Variants in MYT1 observed in about 807,000 individuals in gnomAD.
MYT1 encodes myelin transcription factor I.
Under a neutral mutation model 123.0 loss-of-function variants are expected in MYT1, and 23 were observed. That is an observed-to-expected ratio of 0.19 (90% CI 0.13 to 0.26). MYT1 has a LOEUF of 0.26. Ranked by LOEUF, MYT1 falls within the 10% of genes least tolerant of loss-of-function variation. The pLI is 1.00. For synonymous variants in MYT1, 518 were observed against 575.3 expected (o/e 0.90, Z 1.43); for missense variants, 1,125 against 1,472.5 (o/e 0.76, Z 3.86).
chr20:64,240,513 C>A lies in MYT1; in HGVS notation c.*65C>A, dbSNP rs1319458442. On this transcript the variant is annotated 3_prime_UTR_variant, in exon 23 of 23. Transcript: ENST00000328439. ...TTTACCTCCCTCGCCCTGCCCCGCA[C>A]CGTGGGGATGCCCAACTCACAGTGA... The A allele has an allele frequency of 2.0e-6, 3 of 1,527,792 alleles. No individual in the cohort carries two copies. The highest frequency in any genetic ancestry group is 4.2e-5 in the Admixed American group (2 of 48,054). 94.6% of individuals were successfully genotyped at this position (1,527,792 alleles called of 1,614,324 possible). A position where few individuals can be genotyped will look rare whatever the true frequency, so the allele number is the denominator to read the frequency against.
At chr20:64,187,058 C>T (rs1304123728) in intron 1 of MYT1, among the ~76,000 whole-genome samples, 3 of 147,458 alleles carry the variant, frequency 2.0e-5, no homozygotes, top group South Asian at 2.1e-4. Context: ...TCCACGTTTC[C>T]GTGGAGACTT....
intron 1 of MYT1, among the ~76,000 whole-genome samples, chr20:64,183,540 C>A (rs3003134): frequency 0.041 from 6,273 of 152,252 alleles, 163 homozygotes; most frequent in South Asian, 0.1. Context: ...TTATCTTTAA[C>A]ATTACAGCCA....
At chr20:64,178,248 G>A (rs1263027294) in intron 1 of MYT1, among the ~76,000 whole-genome samples, 2 of 152,236 alleles carry the variant, frequency 1.3e-5, no homozygotes, top group African/African-American at 2.4e-5. Flanking sequence ...GTTTGAGAGC[G>A]TGTTGCTGAT....
Position 64,205,680 on chromosome 20 carries a change from G to A in MYT1, c.277G>A (p.Gly93Ser), listed in dbSNP as rs374494252. The A allele has an allele frequency of 8.2e-5, 133 of 1,614,116 alleles. No homozygotes were observed. Among genetic ancestry groups the A allele is most frequent in the Non-Finnish European group, 1.1e-4 (127 of 1,180,040 alleles). The change falls in exon 6 of 23, where the codon GGC becomes AGC. Residue 93 changes from glycine (G) to serine (S), a missense_variant. Physicochemically the swap from Gly to Ser is moderately conservative, Grantham distance 56. Transcript: ENST00000328439. The stretch of plus-strand genomic sequence containing the variant: ...CGAGGGCTATGGTGTGGACAGCGAC[G>A]GCAGTGAGGACACTGAGGTGAAGGA... ...LDEGYGVDSD[G>S]SEDTEVKDAS...
At chr20:64,198,208 A>C (rs2060511086) in intron 2 of MYT1, among the ~76,000 whole-genome samples, 1 of 140,892 alleles carries the variant, frequency 7.1e-6, no homozygotes, top group African/African-American at 2.6e-5. Context: ...AATGGCGTGA[A>C]CCCGGGAGGC....
At chr20:64,197,724 G>A (rs1983164966) in intron 2 of MYT1, among the ~76,000 whole-genome samples, 1 of 152,236 alleles carries the variant, frequency 6.6e-6, no homozygotes, top group Admixed American at 6.5e-5. Flanking sequence ...ACAGGACAAG[G>A]ATGCTGTGTG....
chr20:64,228,291 G>T (rs1425959294), intron 18 of MYT1, among the ~76,000 whole-genome samples: 1 of 152,228 alleles, frequency 6.6e-6, no homozygotes, highest in Non-Finnish European at 1.5e-5. Context: ...ACCTGGGAGT[G>T]GGCCCCAGGG....
At position 64,196,952 on chromosome 20, in the gene MYT1, T is replaced by C. The variant is rs1983142305; in HGVS notation, c.1-1910T>C. ...GAGTGCAGGCACCGCACAAGTCCCA[T>C]TGTACGTCCTGCATCGGAAGGCATT... On this transcript the variant is annotated intron_variant, in intron 2 of 22. Transcript: ENST00000328439. This position sits in a 1 kb window ranked among gnomAD's most constrained non-coding sequence, Gnocchi z 4.3. Among the ~76,000 whole-genome samples, 1 of 152,230 alleles carries C rather than the reference T, an allele frequency of 6.6e-6. No individual in the cohort carries two copies. Among genetic ancestry groups the C allele is most frequent in the African/African-American group, 2.4e-5 (1 of 41,468 alleles).
At chr20:64,204,898 A>C in intron 4 of MYT1, 137 bp from the exon 5 acceptor site, 1 of 769,118 alleles carries the variant, frequency 1.3e-6, no homozygotes, top group Non-Finnish European at 2.2e-6. Flanking sequence ...CGAGTTATTA[A>C]TTTTCAGCAA....
rs1983361965 is a variant in MYT1, at chr20:64,202,722, C to T, written c.87-2313C>T. ...GCCTACTTTTCAAGTTTGGGTCCCT[C>T]AGAGCTGTCATGCAGGATGCCAGCT... On this transcript the variant is annotated intron_variant, in intron 4 of 22. Transcript: ENST00000328439. The surrounding 1 kb of genome is among the most constrained non-coding windows in gnomAD (Gnocchi z 5.0). Among the ~76,000 whole-genome samples the T allele has an allele frequency of 6.6e-6, 1 of 152,192 alleles. No individual in the cohort carries two copies. Among genetic ancestry groups the T allele is most frequent in the Non-Finnish European group, 1.5e-5 (1 of 68,040 alleles).
At chr20:64,229,656 C>G (rs2145730414) in intron 18 of MYT1, among the ~76,000 whole-genome samples, 1 of 152,298 alleles carries the variant, frequency 6.6e-6, no homozygotes, top group Admixed American at 6.5e-5. Context: ...AAAGCAGAAA[C>G]TGGAATGGAT....
intron 13 of MYT1, 124 bp from the exon 14 acceptor site, chr20:64,221,769 A>G (rs1345249791): frequency 3.1e-6 from 3 of 960,678 alleles, no homozygotes; most frequent in Non-Finnish European, 4.6e-6. Context: ...TCCAGAAGAT[A>G]GGAGACTCCG....
At chr20:64,222,265 G>A (rs951647938) in intron 14 of MYT1, among the ~76,000 whole-genome samples, 3 of 152,212 alleles carry the variant, frequency 2.0e-5, no homozygotes, top group Admixed American at 2.0e-4. Flanking sequence ...TTCTAAAAGT[G>A]ATTAAGAACA....
chr20:64,176,742 C>A (rs1982468315), intron 1 of MYT1, among the ~76,000 whole-genome samples: 1 of 152,218 alleles, frequency 6.6e-6, no homozygotes, highest in African/African-American at 2.4e-5. Flanking sequence ...GGCCTGGTCA[C>A]ATGGCTGAAC....
At position 64,240,331 on chromosome 20, in the gene MYT1, C is replaced by T. The variant is rs146742305; in HGVS notation, c.3249C>T (p.Cys1083=). Reference sequence around the variant, plus strand: ...GTTCTGTTCTCTAGGAGCCAATATGCGAACAGAATTTCGATGCCTATGTGA... The same window carrying T: ...GTTCTGTTCTCTAGGAGCCAATATGTGAACAGAATTTCGATGCCTATGTGA... The part of the protein sequence containing the change: ...NIRLPHMEPI[C]EQNFDAYVST... Residue 1083 remains cysteine (C), a synonymous_variant, in exon 23 of 23, where the codon TGC becomes TGT. Coordinates refer to ENST00000328439, the MANE Select transcript of MYT1 (RefSeq NM_004535.3). 2,982 of 1,613,842 alleles carry T rather than the reference C, an allele frequency of 1.8e-3. 2 individuals are homozygous for T. Among genetic ancestry groups the T allele is most frequent in the Non-Finnish European group, 2.3e-3 (2,726 of 1,179,898 alleles).
chr20:64,235,507 G>T (rs1984490268), intron 19 of MYT1, among the ~76,000 whole-genome samples: 1 of 129,726 alleles, frequency 7.7e-6, no homozygotes, highest in African/African-American at 2.9e-5. Context: ...CTGGCTGAGT[G>T]ACCCTGGGCT....
At chr20:64,170,884 T>TATAGAG (rs1569303821) in intron 1 of MYT1, among the ~76,000 whole-genome samples, 12 of 20,006 alleles carry the variant, frequency 6.0e-4, no homozygotes, top group African/African-American at 9.3e-4. Flanking sequence ...TATATATATA[T>TATAGAG]AGAGAGAGAG....
intron 6 of MYT1, among the ~76,000 whole-genome samples, chr20:64,206,958 G>T (rs1983502610): frequency 6.6e-6 from 1 of 152,176 alleles, no homozygotes; most frequent in Non-Finnish European, 1.5e-5. Context: ...CCAGGCTGGA[G>T]TGCAGGGGCA....
chr20:64,236,749 C>T lies in MYT1; in HGVS notation c.2989+103C>T. ...TGGGAAGAAGGTTAGGGAGATGAAG[C>T]CCCTCCTGGAATGAGTCACGGCAGA... is the stretch of plus-strand genomic sequence containing the variant. On this transcript the variant is annotated intron_variant, in intron 20 of 22. Transcript: ENST00000328439. 4.0e-6 allele frequency: 4 copies of T among 996,664 alleles called. No homozygotes were observed. In the South Asian group the frequency reaches 5.7e-5, roughly 14 times the overall value. 61.7% of individuals were successfully genotyped at this position (996,664 alleles called of 1,614,324 possible).
Sources: gnomAD v4.1 joint callset for allele counts (sites outside exome capture counted in the v4.1 genomes callset) on GRCh38, gnomAD v4.1.1 for gene constraint, Gnocchi (gnomAD v3.1) non-coding constraint, MANE v1.5 for transcripts, NCBI Gene and HGNC (gene_info 2026-07-23, HGNC 2026-07-21) for gene names.